The following C12orf42 variants were observed in gnomAD, a reference collection of about 807,000 sequenced individuals.
C12orf42 encodes the protein chromosome 12 open reading frame 42.
In C12orf42, 25 loss-of-function variants were observed where a neutral mutation model predicts 21.6. The observed-to-expected ratio is 1.16, with a 90% CI of 0.84 to 1.62. C12orf42 has a LOEUF of 1.62. Ranked by LOEUF, C12orf42 falls within the 40% of genes most tolerant of loss-of-function variation. The pLI is 0.00. For missense variants in C12orf42, 483 were observed against 459.3 expected (o/e 1.05, Z -0.47); for synonymous variants, 174 against 175.0 (o/e 0.99, Z 0.05).
chr12:103,531,459 G>C, the C12orf42 span, among the ~76,000 whole-genome samples: 1 of 151,990 alleles, frequency 6.6e-6, no homozygotes, highest in Non-Finnish European at 1.5e-5. Context: ...CAGAATCAAG[G>C]GCTGTTTCCC....
the C12orf42 span, among the ~76,000 whole-genome samples, chr12:103,064,853 G>T: frequency 2.0e-5 from 3 of 152,170 alleles, no homozygotes; most frequent in African/African-American, 7.2e-5. Context: ...TTAAACTAGG[G>T]GCTTATGGAG....
Position 103,367,716 on chromosome 12 carries a change from C to T in C12orf42, c.259+1171G>A, listed in dbSNP as rs999701893. On this transcript the variant is annotated intron_variant, in intron 4 of 5. Coordinates refer to ENST00000548883, the MANE Select transcript of C12orf42 (RefSeq NM_198521.5). ...GGAGCAGAAGTAGGAAAAAGACTGT[C>T]TACTATGTACCTCTTTATATTTTTA... Among the ~76,000 whole-genome samples, 30 of 152,028 alleles carry T rather than the reference C, an allele frequency of 2.0e-4. 1 individual carries two copies. Among genetic ancestry groups the T allele is most frequent in the South Asian group, 1.5e-3 (7 of 4,826 alleles).
At chr12:103,248,422 C>A (rs1349244973) in intron 10 of C12orf42, among the ~76,000 whole-genome samples, 1 of 151,878 alleles carries the variant, frequency 6.6e-6, no homozygotes, top group Non-Finnish European at 1.5e-5. Flanking sequence ...GTGTTCGGAG[C>A]CAACCAATAA....
chr12:103,405,761 G>A (rs1036513057), intron 2 of C12orf42, among the ~76,000 whole-genome samples: 6 of 152,022 alleles, frequency 3.9e-5, no homozygotes, highest in African/African-American at 7.2e-5. Context: ...TCCTTGCTTC[G>A]GTCATTAAAC....
chr12:103,543,380 A>G, the C12orf42 span, among the ~76,000 whole-genome samples: 54 of 152,190 alleles, frequency 3.5e-4, no homozygotes, highest in Non-Finnish European at 6.5e-4. Flanking sequence ...AAGACGAGGC[A>G]GGAGGATTGC....
At chr12:103,407,398 CCT>C (rs2048503041) in intron 2 of C12orf42, among the ~76,000 whole-genome samples, 1 of 152,098 alleles carries the variant, frequency 6.6e-6, no homozygotes, top group African/African-American at 2.4e-5. Context: ...CTTTGCCACC[CCT>C]GAGACAGAAG....
intron 2 of C12orf42, among the ~76,000 whole-genome samples, chr12:103,416,356 G>C (rs903730159): frequency 6.6e-6 from 1 of 152,102 alleles, no homozygotes; most frequent in Non-Finnish European, 1.5e-5. Flanking sequence ...GGAGAAGTGA[G>C]TGGCCCACTG....
chr12:103,250,896 A>ATG (rs925182607), intron 10 of C12orf42, among the ~76,000 whole-genome samples: 8 of 149,970 alleles, frequency 5.3e-5, no homozygotes, highest in South Asian at 2.1e-4. Flanking sequence ...GTGTGTGTGC[A>ATG]TGTGTGTGTG....
the C12orf42 span, among the ~76,000 whole-genome samples, chr12:103,511,293 C>T: frequency 6.6e-6 from 1 of 150,882 alleles, no homozygotes; most frequent in Non-Finnish European, 1.5e-5. Flanking sequence ...TTGGAAAGTC[C>T]AAATAAAAGA....
intron 3 of C12orf42, among the ~76,000 whole-genome samples, chr12:103,376,910 T>G (rs1320603705): frequency 6.6e-6 from 1 of 152,008 alleles, no homozygotes; most frequent in East Asian, 1.9e-4. Context: ...ACTCTCTCGC[T>G]CTCTTGCTCT....
Position 103,310,273 on chromosome 12 carries a change from C to CTG in C12orf42, c.260-3930_260-3929dup, listed in dbSNP as rs200738401. 8.7e-3 allele frequency among the ~76,000 whole-genome samples: 1,324 copies of CTG among 152,148 alleles called. 12 individuals are homozygous for CTG. The highest frequency in any genetic ancestry group is 0.03 in the African/African-American group (1,258 of 41,490). On this transcript the variant is annotated intron_variant, in intron 4 of 5. Coordinates refer to ENST00000548883, the MANE Select transcript of C12orf42 (RefSeq NM_198521.5). ...TCCCCTACTCTCTCTCTCTCTCTCT[C>CTG]TGTGTCTCTCCCTCTCACTTGCTCC...
Position 103,451,388 on chromosome 12 carries a change from T to A in C12orf42, c.78+26961A>T, listed in dbSNP as rs11111587. ...ACCACAAGTGTGCCCACCTATTTTT[T>A]ATTTTTTGTAGAGACAGGTCTGTCT... On this transcript the variant is annotated intron_variant, in intron 2 of 5. Transcript: ENST00000548883. 0.041 allele frequency among the ~76,000 whole-genome samples: 2,109 copies of A among 51,518 alleles called. 210 individuals are homozygous for A. In the East Asian group the frequency reaches 0.42, roughly 10 times the overall value. The allele number at this position is 51,518 out of a possible 152,430, so 33.8% of individuals were successfully genotyped here.
At chr12:103,382,986 CAGTCAAGATCAGAAGA>C (rs2046312220) in intron 3 of C12orf42, among the ~76,000 whole-genome samples, 1 of 152,162 alleles carries the variant, frequency 6.6e-6, no homozygotes, top group South Asian at 2.1e-4. Context: ...CTTCAAAGAC[CAGTCAAGATCAGAAGA>C]GGTCAAGATC....
intron 2 of C12orf42, among the ~76,000 whole-genome samples, chr12:103,455,657 G>C (rs758078327): frequency 6.6e-6 from 1 of 152,076 alleles, no homozygotes; most frequent in South Asian, 2.1e-4. Flanking sequence ...TTTACCTTAA[G>C]AATAAACTGA....
At chr12:103,265,799 C>CTGCTTTGTTTTGTTT (rs1555240297), downstream of C12orf42, among the ~76,000 whole-genome samples, 1 of 150,172 alleles carries the variant, frequency 6.7e-6, no homozygotes, top group Non-Finnish European at 1.5e-5. Context: ...ATTTCTTAGG[C>CTGCTTTGTTTTGTTT]TGTTTTGTTT....
chr12:103,407,732 A>G (rs999292128), intron 2 of C12orf42, among the ~76,000 whole-genome samples: 2 of 152,150 alleles, frequency 1.3e-5, no homozygotes, highest in Non-Finnish European at 2.9e-5. Context: ...CCCAACCTTC[A>G]TGCTGTTCAA....
chr12:103,312,751 C>T (rs1456900113), intron 4 of C12orf42, among the ~76,000 whole-genome samples: 2 of 152,234 alleles, frequency 1.3e-5, no homozygotes, highest in African/African-American at 2.4e-5. Context: ...GGACTTCCAT[C>T]TGTTGCCAAT....
At chr12:103,255,575 A>G (rs1188135529) in intron 10 of C12orf42, among the ~76,000 whole-genome samples, 3 of 152,098 alleles carry the variant, frequency 2.0e-5, no homozygotes, top group African/African-American at 7.2e-5. Flanking sequence ...ATTGTTTTCT[A>G]TTTAATAATA....
chr12:103,478,381 G>A lies in C12orf42; in HGVS notation c.46C>T (p.Leu16=). The change falls in exon 2 of 6, where the codon CTA becomes TTA. Residue 16 remains leucine (L), a synonymous_variant. Transcript: ENST00000548883. Reference sequence around the variant, plus strand: ...CTGTTTGCAAAAGGTCTGATGGTTAGCAAGAATTCTTCTTCCCTTTGTTTC... The same window carrying A: ...CTGTTTGCAAAAGGTCTGATGGTTAACAAGAATTCTTCTTCCCTTTGTTTC... The part of the protein sequence containing the change: ...CMKQREEEFL[L]TIRPFANRMQ... 6.2e-7 allele frequency: 1 copy of A among 1,604,570 alleles called. No homozygotes were observed.
Sources: gnomAD v4.1 joint callset for allele counts (sites outside exome capture counted in the v4.1 genomes callset) on GRCh38, gnomAD v4.1.1 for gene constraint, MANE v1.5 for transcripts, NCBI Gene and HGNC (gene_info 2026-07-23, HGNC 2026-07-21) for gene names.